RPRD1A: variants seen among roughly 807,000 people sequenced by gnomAD.
RPRD1A encodes the protein regulation of nuclear pre-mRNA domain-containing protein 1A.
In RPRD1A, 9 loss-of-function variants were observed where a neutral mutation model predicts 37.8. The ratio of observed to expected loss-of-function variants is 0.24; its 90% CI spans 0.14 to 0.42. The LOEUF (loss-of-function observed/expected upper bound fraction) is 0.42. Ranked by LOEUF, RPRD1A falls within the 10% of genes least tolerant of loss-of-function variation. The probability of loss-of-function intolerance (pLI) is 1.00; values close to 1 mark genes in which losing one functional copy is unlikely to be tolerated. For missense variants in RPRD1A, 255 were observed against 371.0 expected (o/e 0.69, Z 2.57); for synonymous variants, 138 against 139.7 (o/e 0.99, Z 0.08).
chr18:36,057,556 G>C (rs1224592327), intron 1 of RPRD1A, among the ~76,000 whole-genome samples: 1 of 152,182 alleles, frequency 6.6e-6, no homozygotes, highest in Non-Finnish European at 1.5e-5. Context: ...AGGTTGCTGT[G>C]AGTTGAGATC....
chr18:36,017,303 A>AAC (rs149786300), intron 6 of RPRD1A, among the ~76,000 whole-genome samples: 2,487 of 151,700 alleles, frequency 0.016, 66 homozygotes, highest in African/African-American at 0.055. Flanking sequence ...CTTGTCTCAA[A>AAC]ACACACACAC....
rs1465540221 is a variant in RPRD1A at position 35,992,917 on chromosome 18, CTA to C, written c.*232_*233del. On this transcript the variant is annotated 3_prime_UTR_variant, in exon 7 of 7. Coordinates refer to ENST00000399022, the MANE Select transcript of RPRD1A (RefSeq NM_018170.5). The stretch of plus-strand genomic sequence containing the variant: ...CAAAAAGATCTTTTGAAAATAATCA[CTA>C]TTTGTGAGCTTATTAATACACACAA... 2.8e-6 allele frequency: 1 copy of C among 361,098 alleles called. No homozygotes were observed. The highest frequency in any genetic ancestry group is 4.7e-5 in the East Asian group (1 of 21,470). 22.4% of individuals were successfully genotyped at this position (361,098 alleles called of 1,614,324 possible).
intron 1 of RPRD1A, among the ~76,000 whole-genome samples, chr18:36,065,310 T>G (rs1475583345): frequency 1.3e-5 from 2 of 152,168 alleles, no homozygotes; most frequent in African/African-American, 4.8e-5. Flanking sequence ...GTCTGTACCT[T>G]GTTTTCTTAG....
At chr18:36,021,670 T>C (rs910198824) in intron 6 of RPRD1A, among the ~76,000 whole-genome samples, 13 of 152,140 alleles carry the variant, frequency 8.5e-5, no homozygotes, top group African/African-American at 2.9e-4. Flanking sequence ...AGCCAAGCTG[T>C]GAATGCAAAG....
At chr18:36,018,937 G>C (rs1479822693) in intron 6 of RPRD1A, among the ~76,000 whole-genome samples, 1 of 152,070 alleles carries the variant, frequency 6.6e-6, no homozygotes, top group Admixed American at 6.6e-5. Flanking sequence ...CAGGAGGCAA[G>C]AGCATTCCAG....
rs561670274 is a variant in RPRD1A at position 36,020,614 on chromosome 18, G to GA, written c.789+6285dup. ...GTTCTCTGAAATTCTGTTAAGAATA[G>GA]AAAAGCAATAAAAATAAATAGTCTG... On this transcript the variant is annotated intron_variant, in intron 6 of 6. Transcript: ENST00000399022. Among the ~76,000 whole-genome samples, 956 of 152,248 alleles carry GA rather than the reference G, an allele frequency of 6.3e-3. 20 individuals are homozygous for GA. Among genetic ancestry groups the GA allele is most frequent in the African/African-American group, 0.022 (910 of 41,550 alleles).
At chr18:36,052,423 T>C (rs1238099124) in intron 1 of RPRD1A, among the ~76,000 whole-genome samples, 1 of 152,112 alleles carries the variant, frequency 6.6e-6, no homozygotes, top group Admixed American at 6.6e-5. Context: ...GTTGTATTTT[T>C]AGTTTGTCAC....
chr18:36,059,250 G>A (rs2088858566), intron 1 of RPRD1A, among the ~76,000 whole-genome samples: 1 of 151,760 alleles, frequency 6.6e-6, no homozygotes, highest in Non-Finnish European at 1.5e-5. Flanking sequence ...TGATTCTTGT[G>A]CCTCAGCCTC....
intron 1 of RPRD1A, among the ~76,000 whole-genome samples, chr18:36,064,633 T>G (rs565466301): frequency 4.6e-5 from 7 of 152,120 alleles, no homozygotes; most frequent in African/African-American, 1.7e-4. Context: ...AACGCACCAA[T>G]CAGCACTCTG....
chr18:36,007,910 C>A (rs1044272269), intron 6 of RPRD1A, among the ~76,000 whole-genome samples: 2 of 152,180 alleles, frequency 1.3e-5, no homozygotes, highest in African/African-American at 4.8e-5. Flanking sequence ...TGCACTACAG[C>A]CTGGGCGACA....
intron 1 of RPRD1A, among the ~76,000 whole-genome samples, chr18:36,063,615 C>G (rs551611595): frequency 6.6e-6 from 1 of 152,162 alleles, no homozygotes; most frequent in Admixed American, 6.5e-5. Flanking sequence ...TTGATCGATT[C>G]CTTTCATAAT....
intron 1 of RPRD1A, among the ~76,000 whole-genome samples, chr18:36,061,945 C>T (rs2088919384): frequency 6.6e-6 from 1 of 152,302 alleles, no homozygotes; most frequent in South Asian, 2.1e-4. Context: ...CCCACTAGGA[C>T]AGCTGTAATC....
rs201284977 is a variant in RPRD1A, at chr18:36,015,131, T to TACACACACACAC, written c.789+11757_789+11768dup. ...AACAAGTTGAAAGTAGGGTCTCACA[T>TACACACACACAC]ACACACACACACACACACACACACA... On this transcript the variant is annotated intron_variant, in intron 6 of 6. Transcript: ENST00000399022. Among the ~76,000 whole-genome samples, 920 of 122,950 alleles carry TACACACACACAC rather than the reference T, an allele frequency of 7.5e-3. 22 individuals carry two copies. The highest frequency in any genetic ancestry group is 0.026 in the African/African-American group (858 of 32,860). 80.7% of individuals were successfully genotyped at this position (122,950 alleles called of 152,430 possible).
rs1183964376 is a variant in RPRD1A at position 35,990,069 on chromosome 18, TTGATATAG to T, written c.*3074_*3081del. 2.0e-5 allele frequency: 3 copies of T among 152,228 alleles called. No homozygotes were observed. The highest frequency in any genetic ancestry group is 7.2e-5 in the African/African-American group (3 of 41,454). The allele number at this position is 152,228 out of a possible 1,614,324, so 9.4% of individuals were successfully genotyped here. ...AAGAACTGGGCTTACATTTTAAGTT[TTGATATAG>T]TGCAACAACTATGAAACAAGACTAC... On this transcript the variant is annotated 3_prime_UTR_variant, in exon 7 of 7. Coordinates refer to ENST00000399022, the MANE Select transcript of RPRD1A (RefSeq NM_018170.5).
chr18:36,012,639 C>T (rs4799409), intron 6 of RPRD1A, among the ~76,000 whole-genome samples: 41,610 of 152,028 alleles, frequency 0.27, 6,151 homozygotes, highest in African/African-American at 0.4. Context: ...TAACTATGCA[C>T]TTCTCAGAAT....
intron 6 of RPRD1A, among the ~76,000 whole-genome samples, chr18:36,016,708 T>C (rs1910606524): frequency 6.6e-6 from 1 of 152,174 alleles, no homozygotes; most frequent in Non-Finnish European, 1.5e-5. Context: ...AAAAGGTGAT[T>C]TAAAGCACTG....
rs548334654 is a variant in RPRD1A, at chr18:36,045,796, T to C, written c.152-11959A>G. ...AATAAAACATTCCTTGGGAATCACA[T>C]CATGAGGGCTGAATTAGCCAAATGA... is the stretch of plus-strand genomic sequence containing the variant. On this transcript the variant is annotated intron_variant, in intron 1 of 6. Transcript: ENST00000399022. 1.6e-3 allele frequency among the ~76,000 whole-genome samples: 237 copies of C among 152,198 alleles called. 3 individuals are homozygous for C. The highest frequency in any genetic ancestry group is 5.6e-3 in the African/African-American group (234 of 41,518).
At chr18:36,066,818 C>T (rs1206363462) in intron 1 of RPRD1A, among the ~76,000 whole-genome samples, 1 of 152,190 alleles carries the variant, frequency 6.6e-6, no homozygotes, top group African/African-American at 2.4e-5. Context: ...AAAACTATTC[C>T]TCTATTAATT....
chr18:36,020,525 T>C (rs145041702), intron 6 of RPRD1A, among the ~76,000 whole-genome samples: 227 of 152,334 alleles, frequency 1.5e-3, no homozygotes, highest in Non-Finnish European at 2.6e-3. Context: ...AGCAATTTCA[T>C]CTTTAGAAAT....
Sources: gnomAD v4.1 joint callset for allele counts (sites outside exome capture counted in the v4.1 genomes callset) on GRCh38, gnomAD v4.1.1 for gene constraint, MANE v1.5 for transcripts, NCBI Gene and HGNC (gene_info 2026-07-23, HGNC 2026-07-21) for gene names.